The following FSTL4 variants were observed in gnomAD, a reference collection of about 807,000 sequenced individuals.
The protein encoded by FSTL4 is follistatin like 4.
In FSTL4, 28 loss-of-function variants were observed where a neutral mutation model predicts 78.2. That is an observed-to-expected ratio of 0.36 (90% CI 0.27 to 0.49). The LOEUF (loss-of-function observed/expected upper bound fraction) is 0.49. Ranked by LOEUF, FSTL4 falls within the 20% of genes least tolerant of loss-of-function variation. The pLI, the probability that FSTL4 is intolerant of heterozygous loss-of-function variation, is 0.98. For missense variants in FSTL4, 922 were observed against 1,084.9 expected (o/e 0.85, Z 2.11); for synonymous variants, 422 against 440.5 (o/e 0.96, Z 0.53).
the FSTL4 span, chr5:133,720,784 C>CTCCACTA: frequency 6.5e-6 from 1 of 153,358 alleles, no homozygotes; most frequent in Non-Finnish European, 1.5e-5. Flanking sequence ...GTATACAGTC[C>CTCCACTA]TCCACTATTC....
chr5:133,560,535 T>C (rs1759888826), intron 3 of FSTL4, among the ~76,000 whole-genome samples: 1 of 152,050 alleles, frequency 6.6e-6, no homozygotes, highest in Admixed American at 6.5e-5. Flanking sequence ...GGCTAATTTT[T>C]TGTATTTTTA....
chr5:133,651,901 C>T, the FSTL4 span, among the ~76,000 whole-genome samples: 8 of 152,262 alleles, frequency 5.3e-5, no homozygotes, highest in South Asian at 4.1e-4. Flanking sequence ...CACCTGTCAT[C>T]CATCTGGGCC....
At chr5:133,467,277 TGTGTGA>T (rs1485254665) in intron 3 of FSTL4, among the ~76,000 whole-genome samples, 2 of 151,610 alleles carry the variant, frequency 1.3e-5, no homozygotes, top group African/African-American at 2.4e-5. Flanking sequence ...TGTGTGTGTG[TGTGTGA>T]GTGTGTATGT....
the FSTL4 span, among the ~76,000 whole-genome samples, chr5:133,803,264 C>T: frequency 1.3e-5 from 2 of 152,140 alleles, no homozygotes; most frequent in Non-Finnish European, 2.9e-5. Context: ...TGAGACACTC[C>T]CCCAGATTGA....
chr5:133,485,616 G>A (rs1335206224), intron 3 of FSTL4, among the ~76,000 whole-genome samples: 4 of 152,202 alleles, frequency 2.6e-5, no homozygotes, highest in African/African-American at 9.7e-5. Context: ...GCAAATAGCA[G>A]GAGCCATTGC....
At chr5:133,489,581 G>C (rs1468397406) in intron 3 of FSTL4, among the ~76,000 whole-genome samples, 2 of 152,190 alleles carry the variant, frequency 1.3e-5, no homozygotes, top group Non-Finnish European at 2.9e-5. Context: ...ATATTCTTAA[G>C]AAGACATGCA....
chr5:133,547,843 G>A (rs1160504019), intron 3 of FSTL4, among the ~76,000 whole-genome samples: 1 of 152,140 alleles, frequency 6.6e-6, no homozygotes, highest in Non-Finnish European at 1.5e-5. Flanking sequence ...CCAGTCTCAG[G>A]TATTCCCTTA....
intron 3 of FSTL4, among the ~76,000 whole-genome samples, chr5:133,469,842 G>C (rs1472403919): frequency 6.6e-6 from 1 of 152,074 alleles, no homozygotes; most frequent in Non-Finnish European, 1.5e-5. Flanking sequence ...GGCAGCCGCC[G>C]TACAGGGAGC....
intron 4 of FSTL4, among the ~76,000 whole-genome samples, chr5:133,395,695 C>G (rs936770431): frequency 5.9e-5 from 9 of 151,810 alleles, no homozygotes; most frequent in Admixed American, 1.3e-4. Context: ...TTGCTCTTCC[C>G]GGAGACTGGA....
In FSTL4 at chr5:133,233,399, A is replaced by G. The variant is rs767488977; in HGVS notation, c.1015+18T>C. The G allele has an allele frequency of 4.3e-6, 7 of 1,613,770 alleles. No individual in the cohort carries two copies. The African/African-American group carries it at 8.0e-5, about 18-fold the overall frequency. The stretch of plus-strand genomic sequence containing the variant: ...GGGAGGCTATGAGGGGACAACATGC[A>G]TGGAGCCATTTACTAACCATTCACC... On this transcript the variant is annotated intron_variant, in intron 8 of 15. Coordinates refer to ENST00000265342, the MANE Select transcript of FSTL4 (RefSeq NM_015082.2).
At chr5:133,217,120 A>G (rs555736965) in intron 13 of FSTL4, 109 bp downstream of exon 13, 73 of 821,828 alleles carry the variant, frequency 8.9e-5, no homozygotes, top group Non-Finnish European at 1.3e-4. Flanking sequence ...TTCTCCCTTC[A>G]GTCTGACCAC....
At chr5:133,829,501 C>T in the FSTL4 span, among the ~76,000 whole-genome samples, 5 of 152,230 alleles carry the variant, frequency 3.3e-5, no homozygotes, top group African/African-American at 9.6e-5. Context: ...ATTTATTCAG[C>T]ACCTGCTCTA....
chr5:133,226,004 G>A, intron 8 of FSTL4, 185 bp from the exon 9 acceptor site: 2 of 433,286 alleles, frequency 4.6e-6, no homozygotes, highest in East Asian at 6.9e-5. Flanking sequence ...CTATAAAATA[G>A]ATTGCAGATA....
rs1307141701 is a variant in FSTL4 at position 133,198,531 on chromosome 5, C to G, written c.*564G>C. 1 of 152,672 alleles carries G rather than the reference C, an allele frequency of 6.5e-6. No individual in the cohort carries two copies. The highest frequency in any genetic ancestry group is 2.1e-4 in the South Asian group (1 of 4,820). The allele number at this position is 152,672 out of a possible 1,614,324, so 9.5% of individuals were successfully genotyped here. ...ATAAAGTGAGTGATTTCCCCATCCC[C>G]CAAGATGCAGTAAGTCTTGTTGGCT... is the stretch of plus-strand genomic sequence containing the variant. On this transcript the variant is annotated 3_prime_UTR_variant, in exon 16 of 16. Coordinates refer to ENST00000265342, the MANE Select transcript of FSTL4 (RefSeq NM_015082.2).
At chr5:133,347,491 C>T (rs1404005028) in intron 4 of FSTL4, among the ~76,000 whole-genome samples, 1 of 152,156 alleles carries the variant, frequency 6.6e-6, no homozygotes, top group African/African-American at 2.4e-5. Flanking sequence ...GGACAACAGG[C>T]GTGTGCCACC....
chr5:133,814,944 A>G, the FSTL4 span, among the ~76,000 whole-genome samples: 14 of 152,354 alleles, frequency 9.2e-5, no homozygotes, highest in Non-Finnish European at 1.8e-4. Flanking sequence ...CATGTGAGCT[A>G]CATGGCTTGT....
intron 6 of FSTL4, among the ~76,000 whole-genome samples, chr5:133,287,129 C>T (rs575755825): frequency 6.6e-6 from 1 of 152,280 alleles, no homozygotes; most frequent in South Asian, 2.1e-4. Flanking sequence ...TGGCTCACGC[C>T]TGTAATTCCA....
At chr5:133,237,754 A>T (rs2126808035) in intron 7 of FSTL4, among the ~76,000 whole-genome samples, 1 of 152,348 alleles carries the variant, frequency 6.6e-6, no homozygotes, top group Middle Eastern at 3.4e-3. Context: ...ACATAAAACT[A>T]AGCCTGCAAT....
At chr5:133,320,730 G>A (rs1754025534) in intron 4 of FSTL4, among the ~76,000 whole-genome samples, 2 of 152,156 alleles carry the variant, frequency 1.3e-5, no homozygotes, top group Non-Finnish European at 1.5e-5. Context: ...ATCATTGGCT[G>A]GGCGTGGTGG....
Sources: allele counts gnomAD v4.1 joint callset (sites outside exome capture counted in the v4.1 genomes callset), GRCh38; gene constraint gnomAD v4.1.1; transcripts MANE v1.5; gene names NCBI Gene and HGNC (gene_info 2026-07-23, HGNC 2026-07-21).